The following CNTNAP5 variants were observed in gnomAD, a reference collection of about 807,000 sequenced individuals.
CNTNAP5 encodes the protein contactin associated protein family member 5.
In CNTNAP5, 72 loss-of-function variants were observed where a neutral mutation model predicts 150.2. The ratio of observed to expected loss-of-function variants is 0.48; its 90% CI spans 0.40 to 0.58. CNTNAP5 has a LOEUF of 0.58. Ranked by LOEUF, CNTNAP5 falls within the 20% of genes least tolerant of loss-of-function variation. The pLI, the probability that CNTNAP5 is intolerant of heterozygous loss-of-function variation, is 0.00. For missense variants in CNTNAP5, 1,636 were observed against 1,626.2 expected (o/e 1.01, Z -0.10); for synonymous variants, 672 against 619.8 (o/e 1.08, Z -1.25).
At chr2:124,740,993 C>G (rs960860613) in intron 13 of CNTNAP5, among the ~76,000 whole-genome samples, 5 of 152,162 alleles carry the variant, frequency 3.3e-5, no homozygotes, top group Non-Finnish European at 5.9e-5. Flanking sequence ...AGCCTCACAT[C>G]AAGTGGGGCA....
At chr2:124,898,802 A>T (rs1413032130) in intron 21 of CNTNAP5, among the ~76,000 whole-genome samples, 2 of 151,608 alleles carry the variant, frequency 1.3e-5, no homozygotes, top group Middle Eastern at 6.8e-3. Flanking sequence ...CTTGGAACTG[A>T]TGAATAGTAG....
intron 19 of CNTNAP5, among the ~76,000 whole-genome samples, chr2:124,838,232 A>T (rs1294054823): frequency 6.6e-6 from 1 of 152,200 alleles, no homozygotes; most frequent in Admixed American, 6.5e-5. Flanking sequence ...TTAATGAAGT[A>T]GAAGTAGATA....
At position 124,652,232 on chromosome 2, in the gene CNTNAP5, A is replaced by G. The variant is rs182905345; in HGVS notation, c.2077+4274A>G. On this transcript the variant is annotated intron_variant, in intron 13 of 23. Coordinates refer to ENST00000682447, the MANE Select transcript of CNTNAP5 (RefSeq NM_001367498.1). ...CAGGGAAAGTGTCTTTGTGATTCTC[A>G]TGGATCTTTGTCTTTCCCCTCACTC... Among the ~76,000 whole-genome samples the G allele has an allele frequency of 2.6e-5, 4 of 152,246 alleles. No homozygotes were observed. The East Asian group carries it at 7.7e-4, about 29-fold the overall frequency.
intron 10 of CNTNAP5, among the ~76,000 whole-genome samples, chr2:124,557,195 A>G (rs189101020): frequency 2.6e-5 from 4 of 152,280 alleles, no homozygotes; most frequent in Non-Finnish European, 4.4e-5. Flanking sequence ...AGTGGCCACT[A>G]AAGAACGTCC....
chr2:124,205,114 G>A (rs1328991812), intron 1 of CNTNAP5, among the ~76,000 whole-genome samples: 1 of 152,110 alleles, frequency 6.6e-6, no homozygotes, highest in Non-Finnish European at 1.5e-5. Context: ...CGGTGTGACC[G>A]TGTCCCCACC....
At chr2:124,237,799 T>C (rs1406112865) in intron 2 of CNTNAP5, among the ~76,000 whole-genome samples, 1 of 152,100 alleles carries the variant, frequency 6.6e-6, no homozygotes, top group East Asian at 1.9e-4. Context: ...ATCACACCAT[T>C]GCACTCCAGC....
intron 3 of CNTNAP5, among the ~76,000 whole-genome samples, chr2:124,358,093 G>T (rs889917709): frequency 6.6e-6 from 1 of 152,066 alleles, no homozygotes; most frequent in Non-Finnish European, 1.5e-5. Flanking sequence ...TTCACTCATG[G>T]TTTGGCTCTC....
chr2:124,174,061 G>T (rs116454964), intron 1 of CNTNAP5, among the ~76,000 whole-genome samples: 2,701 of 148,996 alleles, frequency 0.018, 43 homozygotes, highest in Middle Eastern at 0.042. Flanking sequence ...TCTATCTATA[G>T]CATGATTTCC....
chr2:124,446,381 G>T (rs957150107), intron 5 of CNTNAP5, among the ~76,000 whole-genome samples: 3 of 152,048 alleles, frequency 2.0e-5, no homozygotes, highest in African/African-American at 7.2e-5. Context: ...CCCAGGCACG[G>T]CTCCTAATTG....
chr2:124,146,924 T>C (rs1272731467), intron 1 of CNTNAP5, among the ~76,000 whole-genome samples: 1 of 152,192 alleles, frequency 6.6e-6, no homozygotes, highest in Non-Finnish European at 1.5e-5. Flanking sequence ...TATGCCAGTC[T>C]CTTCCCTTGG....
At chr2:124,808,169 T>A (rs1011579873) in intron 19 of CNTNAP5, among the ~76,000 whole-genome samples, 5 of 152,182 alleles carry the variant, frequency 3.3e-5, no homozygotes, top group African/African-American at 1.2e-4. Flanking sequence ...TTGGAACAAG[T>A]GATTTTAAAG....
At chr2:124,731,866 A>ATG (rs924947253) in intron 13 of CNTNAP5, among the ~76,000 whole-genome samples, 19 of 150,600 alleles carry the variant, frequency 1.3e-4, no homozygotes, top group Admixed American at 4.0e-4. Flanking sequence ...GTGTGAGTGT[A>ATG]TGTGTGTGTG....
At position 124,605,167 on chromosome 2, in the gene CNTNAP5, C is replaced by T. The variant is rs1033663591; in HGVS notation, c.1757-4634C>T. 2.6e-5 allele frequency among the ~76,000 whole-genome samples: 4 copies of T among 152,350 alleles called. No individual in the cohort carries two copies. In the East Asian group the frequency reaches 7.7e-4, roughly 29 times the overall value. ...AGAACTACAGCTTACCACCACCCAG[C>T]CTGGCTGACCCAGCAGCTGACTGCA... On this transcript the variant is annotated intron_variant, in intron 11 of 23. Transcript: ENST00000682447.
intron 1 of CNTNAP5, among the ~76,000 whole-genome samples, chr2:124,111,759 G>A (rs1273517714): frequency 2.0e-5 from 3 of 152,172 alleles, no homozygotes; most frequent in East Asian, 3.8e-4. Flanking sequence ...CCTTCTTCAC[G>A]TTAATCATAC....
intron 8 of CNTNAP5, among the ~76,000 whole-genome samples, chr2:124,511,455 A>G (rs1023712193): frequency 6.6e-6 from 1 of 152,180 alleles, no homozygotes; most frequent in African/African-American, 2.4e-5. Flanking sequence ...CTGGCCAAAG[A>G]GCTTGAACTC....
At chr2:124,515,877 A>T (rs1014263094) in intron 8 of CNTNAP5, among the ~76,000 whole-genome samples, 8 of 152,194 alleles carry the variant, frequency 5.3e-5, no homozygotes, top group Non-Finnish European at 1.5e-5. Context: ...AGATTGTCCA[A>T]CTAAGCAGTG....
At chr2:124,491,356 C>T (rs1694020491) in intron 7 of CNTNAP5, among the ~76,000 whole-genome samples, 1 of 151,808 alleles carries the variant, frequency 6.6e-6, no homozygotes, top group Non-Finnish European at 1.5e-5. Flanking sequence ...ATTCATGTTG[C>T]CACAAATAGC....
At chr2:124,456,961 T>G (rs951154570) in intron 6 of CNTNAP5, among the ~76,000 whole-genome samples, 3 of 152,186 alleles carry the variant, frequency 2.0e-5, no homozygotes, top group Admixed American at 2.0e-4. Flanking sequence ...CTACGAAAGT[T>G]CTAGAAGATG....
intron 1 of CNTNAP5, among the ~76,000 whole-genome samples, chr2:124,197,449 C>G (rs1685615274): frequency 6.6e-6 from 1 of 152,052 alleles, no homozygotes; most frequent in Non-Finnish European, 1.5e-5. Flanking sequence ...AATGATTTTC[C>G]TTTGGAATAA....
Sources: gnomAD v4.1 joint callset for allele counts (sites outside exome capture counted in the v4.1 genomes callset) on GRCh38, gnomAD v4.1.1 for gene constraint, MANE v1.5 for transcripts, NCBI Gene and HGNC (gene_info 2026-07-23, HGNC 2026-07-21) for gene names.